The following SYN3 variants were observed in gnomAD, a reference collection of about 807,000 sequenced individuals.
SYN3 encodes synapsin III.
Under a neutral mutation model 65.8 loss-of-function variants are expected in SYN3, and 35 were observed. That is an observed-to-expected ratio of 0.53 (90% CI 0.41 to 0.70). The LOEUF (loss-of-function observed/expected upper bound fraction) is 0.70, where lower values mean the gene tolerates loss of function less well. Ranked by LOEUF, SYN3 falls within the 30% of genes least tolerant of loss-of-function variation. SYN3 has a pLI of 0.00. For synonymous variants in SYN3, 270 were observed against 292.9 expected, an observed-to-expected ratio of 0.92 and a Z score of 0.80; for missense variants, 680 against 749.0, an observed-to-expected ratio of 0.91 and a Z score of 1.08.
At chr22:32,872,759 G>C (rs970990742) in intron 4 of SYN3, among the ~76,000 whole-genome samples, 8 of 152,024 alleles carry the variant, frequency 5.3e-5, no homozygotes, top group Admixed American at 5.2e-4. Flanking sequence ...CTGGCCAGGG[G>C]GTGGCCAAGT....
intron 7 of SYN3, among the ~76,000 whole-genome samples, chr22:32,550,232 T>A (rs1361447711): frequency 1.3e-5 from 2 of 152,152 alleles, no homozygotes; most frequent in Non-Finnish European, 2.9e-5. Flanking sequence ...GATGAATAAA[T>A]TCTTACTATT....
At chr22:32,574,183 T>A (rs2710355) in intron 7 of SYN3, among the ~76,000 whole-genome samples, 2 of 151,496 alleles carry the variant, frequency 1.3e-5, no homozygotes, top group African/African-American at 4.9e-5. Flanking sequence ...TGGCAGGAAA[T>A]AAAACCACCA....
chr22:32,832,373 C>T (rs1052801255), intron 6 of SYN3, among the ~76,000 whole-genome samples: 2 of 152,086 alleles, frequency 1.3e-5, no homozygotes, highest in Non-Finnish European at 2.9e-5. Context: ...AGAATATGTC[C>T]AGTCCAACGT....
intron 4 of SYN3, among the ~76,000 whole-genome samples, chr22:32,880,208 A>G (rs2049091563): frequency 6.6e-6 from 1 of 152,174 alleles, no homozygotes; most frequent in Admixed American, 6.5e-5. Context: ...GCATTTCAAC[A>G]TGATCTCATA....
intron 7 of SYN3, among the ~76,000 whole-genome samples, chr22:32,586,023 T>C (rs2059028338): frequency 8.0e-6 from 1 of 125,594 alleles, no homozygotes; most frequent in South Asian, 2.6e-4. Flanking sequence ...CGTATATATG[T>C]ATGTATGTAT....
chr22:32,677,802 G>GA (rs1311752478), intron 6 of SYN3, among the ~76,000 whole-genome samples: 49 of 146,198 alleles, frequency 3.4e-4, no homozygotes, highest in Admixed American at 9.6e-4. Context: ...CTCCTTCTCG[G>GA]AAAAAAAAAA....
At chr22:33,034,023 T>G (rs1355273312) in intron 1 of SYN3, among the ~76,000 whole-genome samples, 1 of 151,692 alleles carries the variant, frequency 6.6e-6, no homozygotes, top group Admixed American at 6.6e-5. Context: ...CCATCTCTAC[T>G]AGAAGTACAA....
chr22:32,990,538 A>G (rs1601855490), intron 2 of SYN3, among the ~76,000 whole-genome samples: 1 of 152,150 alleles, frequency 6.6e-6, no homozygotes, highest in African/African-American at 2.4e-5. Context: ...GACATACTAT[A>G]TTCTCAGCAC....
chr22:32,946,793 AG>A (rs765506033), intron 3 of SYN3, among the ~76,000 whole-genome samples: 14 of 152,138 alleles, frequency 9.2e-5, no homozygotes, highest in Non-Finnish European at 1.9e-4. Flanking sequence ...TGATTGTTTT[AG>A]GGGGGAAAAT....
intron 4 of SYN3, among the ~76,000 whole-genome samples, chr22:32,895,200 T>A (rs1057011985): frequency 1.8e-4 from 27 of 152,300 alleles, no homozygotes; most frequent in African/African-American, 6.3e-4. Flanking sequence ...AATCAGTGAA[T>A]GAGTAATTAA....
intron 4 of SYN3, among the ~76,000 whole-genome samples, chr22:32,880,764 C>T (rs2049109428): frequency 6.6e-6 from 1 of 152,190 alleles, no homozygotes; most frequent in Admixed American, 6.5e-5. Context: ...TAATATGTTC[C>T]TAAGAACTAC....
chr22:32,951,660 G>T (rs1430779341), intron 3 of SYN3, among the ~76,000 whole-genome samples: 1 of 152,190 alleles, frequency 6.6e-6, no homozygotes, highest in East Asian at 1.9e-4. Context: ...TTCCACCCTG[G>T]AAATTATGTC....
At chr22:32,527,723 AT>A (rs1261889972) in intron 12 of SYN3, 194 bp downstream of exon 12, 2 of 560,860 alleles carry the variant, frequency 3.6e-6, no homozygotes, top group Non-Finnish European at 6.3e-6. Flanking sequence ...TTCTTAATAA[AT>A]TAACCTTCTA....
intron 4 of SYN3, among the ~76,000 whole-genome samples, chr22:32,923,733 T>C (rs1321450506): frequency 6.6e-6 from 1 of 152,230 alleles, no homozygotes; most frequent in Non-Finnish European, 1.5e-5. Flanking sequence ...ATGTGCAGGT[T>C]TGTTATACCA....
At chr22:32,997,792 C>T (rs757860668) in intron 2 of SYN3, among the ~76,000 whole-genome samples, 14 of 151,940 alleles carry the variant, frequency 9.2e-5, no homozygotes, top group African/African-American at 2.2e-4. Flanking sequence ...GTTGGGAGGC[C>T]GAGGCGGGCA....
chr22:32,773,895 G>GT (rs1324529954), intron 6 of SYN3, among the ~76,000 whole-genome samples: 1 of 152,192 alleles, frequency 6.6e-6, no homozygotes, highest in Non-Finnish European at 1.5e-5. Context: ...GATATCCAAA[G>GT]TGAGTCTTGC....
At chr22:32,774,312 C>T (rs535782544) in intron 6 of SYN3, among the ~76,000 whole-genome samples, 2 of 152,262 alleles carry the variant, frequency 1.3e-5, no homozygotes, top group Admixed American at 6.5e-5. Context: ...AATCCAATGA[C>T]TGGTGTCCTC....
chr22:32,745,363 T>C (rs571677016), intron 6 of SYN3, among the ~76,000 whole-genome samples: 1 of 152,068 alleles, frequency 6.6e-6, no homozygotes, highest in South Asian at 2.1e-4. Context: ...ATCTGGAGGG[T>C]GGGACTCCAC....
chr22:32,744,078 C>T (rs1196009497), intron 6 of SYN3, among the ~76,000 whole-genome samples: 1 of 152,176 alleles, frequency 6.6e-6, no homozygotes, highest in Non-Finnish European at 1.5e-5. Flanking sequence ...CTCACTCCCC[C>T]TTCTCAGTGC....
Sources: allele counts gnomAD v4.1 joint callset (sites outside exome capture counted in the v4.1 genomes callset), GRCh38; gene constraint gnomAD v4.1.1; transcripts MANE v1.5; gene names NCBI Gene and HGNC (gene_info 2026-07-23, HGNC 2026-07-21).